Variants in TRAF5 observed in about 807,000 individuals in gnomAD.
TRAF5 encodes TNF receptor-associated factor 5.
TRAF5 carries 48 observed loss-of-function variants against 64.5 expected under a neutral mutation model. That is an observed-to-expected ratio of 0.74 (90% CI 0.59 to 0.95). The LOEUF is 0.95. Ranked by LOEUF, TRAF5 falls within the 40% of genes least tolerant of loss-of-function variation. The pLI is 0.00. For missense variants in TRAF5, 545 were observed against 662.8 expected, an observed-to-expected ratio of 0.82 and a Z score of 1.95; for synonymous variants, 206 against 240.5, an observed-to-expected ratio of 0.86 and a Z score of 1.33.
chr1:211,369,525 T>C lies in TRAF5; in HGVS notation c.863T>C (p.Leu288Pro), dbSNP rs1415623315. ...IQQLAETIKK[L>P]EKEFKQFAQL... ...CAGCTAGCAGAAACTATAAAGAAAC[T>C]TGAAAAGGAGTTCAAGCAGTTTGCA... The change falls in exon 9 of 11, where the codon CTT (leucine) becomes CCT (proline). Residue 288 changes from leucine to proline, a missense_variant. Physicochemically the swap from Leu to Pro is moderately conservative, Grantham distance 98. Transcript: ENST00000261464. The C allele has an allele frequency of 9.3e-6, 15 of 1,611,308 alleles. No individual in the cohort carries two copies. The highest frequency in any genetic ancestry group is 1.3e-5 in the African/African-American group (1 of 74,702).
chr1:211,336,115 A>G (rs372926142), intron 1 of TRAF5, among the ~76,000 whole-genome samples: 6 of 152,108 alleles, frequency 3.9e-5, no homozygotes, highest in East Asian at 1.9e-4. Flanking sequence ...GCTTTGTGCT[A>G]TGTTATTGTG....
intron 8 of TRAF5, among the ~76,000 whole-genome samples, chr1:211,365,938 A>T (rs1399519615): frequency 6.6e-6 from 1 of 152,196 alleles, no homozygotes; most frequent in African/African-American, 2.4e-5. Flanking sequence ...ATTTTGTGAT[A>T]AGTCTAAACT....
chr1:211,359,779 T>A (rs1364492241), intron 4 of TRAF5, 133 bp from the exon 5 acceptor site: 1 of 978,468 alleles, frequency 1.0e-6, no homozygotes, highest in Non-Finnish European at 1.5e-6. Flanking sequence ...GAGCCTACCC[T>A]CTGCCTTGCC....
intron 1 of TRAF5, among the ~76,000 whole-genome samples, chr1:211,348,304 T>G (rs1425266923): frequency 6.6e-6 from 1 of 152,242 alleles, no homozygotes; most frequent in East Asian, 1.9e-4. Flanking sequence ...ATATTTGTAT[T>G]AACATATAAT....
chr1:211,365,523 C>T (rs1703323828), intron 8 of TRAF5, 55 bp downstream of exon 8: 2 of 1,382,912 alleles, frequency 1.4e-6, no homozygotes, highest in Non-Finnish European at 2.0e-6. Context: ...CTGGGATTTA[C>T]CTGCTCTATG....
chr1:211,353,949 G>A (rs1373829649), intron 2 of TRAF5, among the ~76,000 whole-genome samples: 1 of 152,216 alleles, frequency 6.6e-6, no homozygotes, highest in African/African-American at 2.4e-5. Flanking sequence ...TATATAGGAA[G>A]CAAGGCAGTC....
At chr1:211,360,674 TTG>T (rs973198588) in intron 5 of TRAF5, 26 bp from the exon 6 acceptor site, 19 of 1,585,010 alleles carry the variant, frequency 1.2e-5, no homozygotes, top group Non-Finnish European at 1.6e-5. Flanking sequence ...AGACAACCCT[TTG>T]TTTTATTGCA....
intron 1 of TRAF5, among the ~76,000 whole-genome samples, chr1:211,341,418 G>A (rs764794772): frequency 2.0e-5 from 3 of 152,248 alleles, no homozygotes; most frequent in Non-Finnish European, 4.4e-5. Flanking sequence ...ATGTGATGAT[G>A]TGATTACAGT....
chr1:211,335,852 A>G (rs1391421282), intron 1 of TRAF5, among the ~76,000 whole-genome samples: 2 of 152,070 alleles, frequency 1.3e-5, no homozygotes, highest in Admixed American at 6.6e-5. Flanking sequence ...AGGTGGGGAG[A>G]TTGGCCTAAT....
At position 211,374,923 on chromosome 1, in the gene TRAF5, A is replaced by C. The variant is rs1703644997; in HGVS notation, c.*2221A>C. On this transcript the variant is annotated 3_prime_UTR_variant, in exon 11 of 11. Transcript: ENST00000261464. ...ATCCCAGAACAAGGAATACTAGAGT[A>C]AAAAGCACCTCTTTTTCACAAAACG... 1 of 152,228 alleles carries C rather than the reference A, an allele frequency of 6.6e-6. No individual in the cohort carries two copies. The allele number at this position is 152,228 out of a possible 1,614,324, so 9.4% of individuals were successfully genotyped here.
chr1:211,332,391 T>C (rs899573956), intron 1 of TRAF5, among the ~76,000 whole-genome samples: 2 of 152,170 alleles, frequency 1.3e-5, no homozygotes, highest in Non-Finnish European at 2.9e-5. Flanking sequence ...TCTGTTCTCC[T>C]GTACTAAGGC....
rs1239846905 is a variant in TRAF5, at chr1:211,372,663, G to A, written c.1635G>A (p.Leu545=). 1.9e-6 allele frequency: 3 copies of A among 1,614,184 alleles called. No homozygotes were observed. In the South Asian group the frequency reaches 3.3e-5, roughly 18 times the overall value. The change falls in exon 11 of 11, where the codon TTG becomes TTA. Residue 545 remains leucine (L), a synonymous_variant. Transcript: ENST00000261464. Reference sequence around the variant, plus strand: ...ACATTAAAGATGACACTCTGTTCTTGAAAGTGGCCGTGGACTTAACTGACC... The same window carrying A: ...ACATTAAAGATGACACTCTGTTCTTAAAAGTGGCCGTGGACTTAACTGACC... The part of the protein sequence containing the change: ...NAYIKDDTLF[L]KVAVDLTDLE...
intron 8 of TRAF5, 69 bp downstream of exon 8, chr1:211,365,537 G>T (rs556451833): frequency 2.9e-5 from 37 of 1,282,396 alleles, no homozygotes; most frequent in Non-Finnish European, 1.1e-6. Context: ...CTCTATGCTG[G>T]TATTTTTCTA....
chr1:211,332,378 CT>C (rs1702179366), intron 1 of TRAF5, among the ~76,000 whole-genome samples: 1 of 152,230 alleles, frequency 6.6e-6, no homozygotes, highest in Admixed American at 6.5e-5. Context: ...ACCCAGAGCC[CT>C]TTCTGTTCTC....
chr1:211,368,572 T>C (rs1262769085), intron 8 of TRAF5, among the ~76,000 whole-genome samples: 4 of 140,274 alleles, frequency 2.9e-5, no homozygotes, highest in African/African-American at 9.8e-5. Context: ...AGAGAAATAA[T>C]GAAGACTGAA....
chr1:211,337,921 GTGTC>G (rs1702346750), intron 1 of TRAF5, among the ~76,000 whole-genome samples: 1 of 152,212 alleles, frequency 6.6e-6, no homozygotes, highest in African/African-American at 2.4e-5. Flanking sequence ...ACAGTGGAGT[GTGTC>G]TGGGGCTCAG....
chr1:211,362,023 T>C (rs754348296), intron 7 of TRAF5, among the ~76,000 whole-genome samples: 5 of 151,636 alleles, frequency 3.3e-5, no homozygotes, highest in Non-Finnish European at 7.4e-5. Context: ...TTCCATTGCC[T>C]CCACCTGGTT....
intron 9 of TRAF5, among the ~76,000 whole-genome samples, chr1:211,370,689 AGTATT>A (rs1013175926): frequency 2.0e-5 from 3 of 152,258 alleles, no homozygotes; most frequent in Non-Finnish European, 4.4e-5. Context: ...TTTGTAATAA[AGTATT>A]GAATTCCACA....
In TRAF5 at chr1:211,356,378, C is replaced by T. The variant is rs764274818; in HGVS notation, c.288C>T (p.Asp96=). 1.9e-5 allele frequency: 30 copies of T among 1,613,484 alleles called. No homozygotes were observed. In the South Asian group the frequency reaches 3.1e-4, roughly 17 times the overall value. ...TGTTTATCTTTTAGGTTTTTAAAGA[C>T]AATTGTTGCAAAAGAGAAGTCCTCA... ...EVIKSQEVFK[D]NCCKREVLNL... is the part of the protein sequence containing the mutation. The change falls in exon 4 of 11, where the codon GAC becomes GAT. Residue 96 remains aspartate, a synonymous_variant. Transcript: ENST00000261464.
Sources: gnomAD v4.1 joint callset for allele counts (sites outside exome capture counted in the v4.1 genomes callset) on GRCh38, gnomAD v4.1.1 for gene constraint, MANE v1.5 for transcripts, NCBI Gene and HGNC (gene_info 2026-07-23, HGNC 2026-07-21) for gene names.